Variants in SEC61A2 observed in about 807,000 individuals in gnomAD.
The protein encoded by SEC61A2 is protein transport protein Sec61 subunit alpha isoform 2.
In SEC61A2, 28 loss-of-function variants were observed where a neutral mutation model predicts 59.9. The ratio of observed to expected loss-of-function variants is 0.47; its 90% CI spans 0.35 to 0.64. The LOEUF (loss-of-function observed/expected upper bound fraction) is 0.64, where lower values mean the gene tolerates loss of function less well. SEC61A2 is among the 30% of genes least tolerant of loss of function. SEC61A2 has a pLI of 0.01. For synonymous variants in SEC61A2, 202 were observed against 214.4 expected (o/e 0.94, Z 0.50); for missense variants, 340 against 585.9 (o/e 0.58, Z 4.33).
chr10:12,142,965 T>TC lies in SEC61A2; in HGVS notation c.142-152_142-151insC, dbSNP rs1170541488. 8.6e-6 allele frequency: 5 copies of TC among 579,938 alleles called. No individual in the cohort carries two copies. Among genetic ancestry groups the TC allele is most frequent in the African/African-American group, 1.9e-5 (1 of 53,342 alleles). 35.9% of individuals were successfully genotyped at this position (579,938 alleles called of 1,614,324 possible). On this transcript the variant is annotated intron_variant, in intron 3 of 11. Transcript: ENST00000298428. The surrounding 1 kb of genome is among the most constrained non-coding windows in gnomAD (Gnocchi z 5.4). Reference sequence around the variant, plus strand: ...TAAATTAAGTGCACACTTTATACTTTTTTTTTTTGAGACAGAGTCTCCTGT... The same window carrying TC: ...TAAATTAAGTGCACACTTTATACTTTCTTTTTTTTGAGACAGAGTCTCCTGT...
chr10:12,139,950 CAG>C, intron 3 of SEC61A2, among the ~76,000 whole-genome samples: 1 of 137,010 alleles, frequency 7.3e-6, no homozygotes, highest in Non-Finnish European at 1.5e-5. Context: ...GCCTGGGCGA[CAG>C]AGCGAGACTC....
intron 2 of SEC61A2, among the ~76,000 whole-genome samples, chr10:12,135,836 T>C (rs1211621065): frequency 6.6e-6 from 1 of 152,232 alleles, no homozygotes; most frequent in Non-Finnish European, 1.5e-5. Flanking sequence ...ATTATTTATA[T>C]ACAGCATATC....
At chr10:12,168,595 C>T (rs1019852597), downstream of SEC61A2, among the ~76,000 whole-genome samples, 20 of 152,238 alleles carry the variant, frequency 1.3e-4, no homozygotes, top group African/African-American at 4.6e-4. This position sits in a 1 kb window ranked among gnomAD's most constrained non-coding sequence, Gnocchi z 4.8. Context: ...TTGTTTCACT[C>T]AGATGGAGGT....
rs1330621960 is a variant in SEC61A2 at position 12,149,562 on chromosome 10, A to G, written c.221-33A>G. 5.7e-6 allele frequency: 9 copies of G among 1,570,180 alleles called. No homozygotes were observed. Among genetic ancestry groups the G allele is most frequent in the Non-Finnish European group, 6.9e-6 (8 of 1,161,380 alleles). Reference sequence around the variant, plus strand: ...AAATCAGTTTGTATCGTGTACAGCAAACATTGCACACTTCTCTCCCCTTCC... The same window carrying G: ...AAATCAGTTTGTATCGTGTACAGCAGACATTGCACACTTCTCTCCCCTTCC... On this transcript the variant is annotated intron_variant, in intron 4 of 11. Transcript: ENST00000298428. The surrounding 1 kb of genome is among the most constrained non-coding windows in gnomAD (Gnocchi z 5.2).
chr10:12,138,796 G>A (rs1176682063), intron 3 of SEC61A2, among the ~76,000 whole-genome samples: 2 of 152,106 alleles, frequency 1.3e-5, no homozygotes, highest in African/African-American at 4.8e-5. Flanking sequence ...CCAGATTTTG[G>A]CTACAACACA....
chr10:12,138,689 G>A (rs927836617), intron 3 of SEC61A2, among the ~76,000 whole-genome samples: 3 of 152,154 alleles, frequency 2.0e-5, no homozygotes, highest in African/African-American at 4.8e-5. Flanking sequence ...TGGTCGTTAC[G>A]TCAGTAACTC....
At chr10:12,131,766 C>A (rs1455033369) in intron 1 of SEC61A2, among the ~76,000 whole-genome samples, 1 of 129,456 alleles carries the variant, frequency 7.7e-6, no homozygotes, top group Admixed American at 9.2e-5. Context: ...TCCGGGCTTA[C>A]TGCAAGCTCC....
In SEC61A2 at chr10:12,149,902, G is replaced by T; in HGVS notation, c.403G>T (p.Gly135Trp). ...GCAAGCCATTGTGTATGTCATGACGGGGATGTATGGGGACCCTGCAGAAAT... is the reference window on the plus strand; with the variant it reads ...GCAAGCCATTGTGTATGTCATGACGTGGATGTATGGGGACCCTGCAGAAAT... ...IGQAIVYVMT[G>W]MYGDPAEMGA... The change falls in exon 6 of 12, where the codon GGG becomes TGG. Residue 135 changes from glycine to tryptophan, a missense_variant. Gly to Trp is a radical substitution (Grantham distance 184, BLOSUM62 -2). Transcript: ENST00000298428. This position sits in a 1 kb window ranked among gnomAD's most constrained non-coding sequence, Gnocchi z 5.2. The T allele has an allele frequency of 6.2e-7, 1 of 1,614,080 alleles. No individual in the cohort carries two copies. Among genetic ancestry groups the T allele is most frequent in the Non-Finnish European group, 8.5e-7 (1 of 1,179,978 alleles).
In SEC61A2 at chr10:12,145,752, A is replaced by G. The variant is rs1378537401; in HGVS notation, c.220+2557A>G. On this transcript the variant is annotated intron_variant, in intron 4 of 11. Transcript: ENST00000298428. This position sits in a 1 kb window ranked among gnomAD's most constrained non-coding sequence, Gnocchi z 4.4. ...TCCAGCCTTGTTAGGATGTTGGAACATTACCCATCTGACATGAAAAGAAAA... is the reference window on the plus strand; with the variant it reads ...TCCAGCCTTGTTAGGATGTTGGAACGTTACCCATCTGACATGAAAAGAAAA... Among the ~76,000 whole-genome samples, 1 of 152,230 alleles carries G rather than the reference A, an allele frequency of 6.6e-6. No homozygotes were observed. Among genetic ancestry groups the G allele is most frequent in the Non-Finnish European group, 1.5e-5 (1 of 68,038 alleles).
chr10:12,133,533 A>G (rs1280870369), intron 2 of SEC61A2, among the ~76,000 whole-genome samples: 1 of 152,226 alleles, frequency 6.6e-6, no homozygotes, highest in Non-Finnish European at 1.5e-5. Flanking sequence ...AAGTTGTGAC[A>G]TTTCCAAATT....
chr10:12,147,035 C>T (rs1015993323), intron 4 of SEC61A2, among the ~76,000 whole-genome samples: 9 of 152,056 alleles, frequency 5.9e-5, no homozygotes, highest in African/African-American at 7.2e-5. Context: ...GGACCACAAC[C>T]GGGCACCACC....
intron 3 of SEC61A2, 45 bp downstream of exon 3, chr10:12,136,215 A>G (rs1378759879): frequency 8.0e-7 from 1 of 1,250,872 alleles, no homozygotes; most frequent in East Asian, 2.3e-5. Context: ...CATTGTTCTA[A>G]GGTTTTGATT....
intron 8 of SEC61A2, among the ~76,000 whole-genome samples, chr10:12,157,399 G>A (rs949106643): frequency 6.6e-6 from 1 of 150,846 alleles, no homozygotes; most frequent in Admixed American, 6.6e-5. Context: ...GCAGTGGCGC[G>A]ATCTTAGCTC....
rs1035325255 is a variant in SEC61A2 at position 12,153,646 on chromosome 10, C to T, written c.463-2132C>T. Reference sequence around the variant, plus strand: ...ACATGAATTCTGATACACAAATATGCGTGTTATGGCTAATTCTTCTAATGT... The same window carrying T: ...ACATGAATTCTGATACACAAATATGTGTGTTATGGCTAATTCTTCTAATGT... On this transcript the variant is annotated intron_variant, in intron 6 of 11. Transcript: ENST00000298428. The surrounding 1 kb of genome is among the most constrained non-coding windows in gnomAD (Gnocchi z 5.2). 48 of 1,344,610 alleles carry T rather than the reference C, an allele frequency of 3.6e-5. No homozygotes were observed. Among genetic ancestry groups the T allele is most frequent in the African/African-American group, 2.6e-4 (18 of 68,670 alleles). 83.3% of individuals were successfully genotyped at this position (1,344,610 alleles called of 1,614,324 possible).
chr10:12,161,914 G>A lies in SEC61A2; in HGVS notation c.1168-299G>A, dbSNP rs1193726854. 6.6e-6 allele frequency among the ~76,000 whole-genome samples: 1 copy of A among 151,966 alleles called. No homozygotes were observed. The highest frequency in any genetic ancestry group is 1.5e-5 in the Non-Finnish European group (1 of 67,998). On this transcript the variant is annotated intron_variant, in intron 10 of 11. Coordinates refer to ENST00000298428, the MANE Select transcript of SEC61A2 (RefSeq NM_018144.4). This position sits in a 1 kb window ranked among gnomAD's most constrained non-coding sequence, Gnocchi z 5.4. ...GTGTCACCCCAACAGGCTAAAAATT[G>A]GTTCCCAAAAGGTAAAAAATTCTTA...
rs149446078 is a variant in SEC61A2, at chr10:12,140,689, G to A, written c.142-2428G>A. ...CAGCTCACTGCAACCTCCGCCTCCC[G>A]GATTCAAGCGATTCTCCTCCCTCAG... On this transcript the variant is annotated intron_variant, in intron 3 of 11. Coordinates refer to ENST00000298428, the MANE Select transcript of SEC61A2 (RefSeq NM_018144.4). Among the ~76,000 whole-genome samples, 1,067 of 151,594 alleles carry A rather than the reference G, an allele frequency of 7.0e-3. 17 individuals are homozygous for A. Among genetic ancestry groups the A allele is most frequent in the African/African-American group, 0.024 (1,008 of 41,334 alleles).
At chr10:12,136,967 T>G (rs1833904113) in intron 3 of SEC61A2, among the ~76,000 whole-genome samples, 1 of 152,170 alleles carries the variant, frequency 6.6e-6, no homozygotes, top group African/African-American at 2.4e-5. Context: ...GGTTTTGCTG[T>G]GTTGTTCAGG....
chr10:12,144,507 TTG>T (rs1244600854), intron 4 of SEC61A2, among the ~76,000 whole-genome samples: 1 of 152,226 alleles, frequency 6.6e-6, no homozygotes, highest in Non-Finnish European at 1.5e-5. Flanking sequence ...TGAGTTCATA[TTG>T]TGTGTCAGCC....
intron 2 of SEC61A2, among the ~76,000 whole-genome samples, chr10:12,134,720 A>G (rs762081176): frequency 5.3e-5 from 8 of 152,012 alleles, no homozygotes; most frequent in Non-Finnish European, 1.0e-4. Context: ...GATGGGGACC[A>G]TCCTTGCCAA....
Sources: gnomAD v4.1 joint callset for allele counts (sites outside exome capture counted in the v4.1 genomes callset) on GRCh38, gnomAD v4.1.1 for gene constraint, Gnocchi (gnomAD v3.1) non-coding constraint, MANE v1.5 for transcripts, NCBI Gene and HGNC (gene_info 2026-07-23, HGNC 2026-07-21) for gene names.